Variants in QSOX1 observed in about 807,000 individuals in gnomAD.
QSOX1 encodes the protein quiescin sulfhydryl oxidase 1, also known as sulfhydryl oxidase 1.
In QSOX1, 40 loss-of-function variants were observed where a neutral mutation model predicts 76.1. The observed-to-expected ratio is 0.53, with a 90% CI of 0.41 to 0.68. QSOX1 has a LOEUF of 0.68. Ranked by LOEUF, QSOX1 falls within the 30% of genes least tolerant of loss-of-function variation. The probability of loss-of-function intolerance (pLI) is 0.00; values close to 1 mark genes in which losing one functional copy is unlikely to be tolerated. For missense variants in QSOX1, 931 were observed against 974.3 expected, an observed-to-expected ratio of 0.96 and a Z score of 0.59; for synonymous variants, 392 against 413.1, an observed-to-expected ratio of 0.95 and a Z score of 0.62.
chr1:180,176,156 G>T, intron 4 of QSOX1, 123 bp downstream of exon 4: 1 of 749,688 alleles, frequency 1.3e-6, no homozygotes, highest in Non-Finnish European at 2.2e-6. Context: ...TTTGCCTGTG[G>T]GGCTCACACA....
rs1328743372 is a variant in QSOX1 at position 180,197,140 on chromosome 1, A to G, written c.*103A>G. The G allele has an allele frequency of 2.0e-6, 3 of 1,480,820 alleles. No individual in the cohort carries two copies. Among genetic ancestry groups the G allele is most frequent in the Non-Finnish European group, 2.7e-6 (3 of 1,115,380 alleles). The allele number at this position is 1,480,820 out of a possible 1,614,324, so 91.7% of individuals were successfully genotyped here. On this transcript the variant is annotated 3_prime_UTR_variant, in exon 12 of 12. Coordinates refer to ENST00000367602, the MANE Select transcript of QSOX1 (RefSeq NM_002826.5). ...CCACCCCTTGCTCCTTGTCTGGCCT[A>G]GAAGTGTGGGAAATTCAGGAAAACG...
chr1:180,169,334 C>T (rs1662710067), intron 2 of QSOX1, among the ~76,000 whole-genome samples: 1 of 151,744 alleles, frequency 6.6e-6, no homozygotes, highest in African/African-American at 2.4e-5. Flanking sequence ...GAAGGCCTGG[C>T]CGGAGCAAGG....
intron 10 of QSOX1, among the ~76,000 whole-genome samples, chr1:180,192,032 G>T (rs1215415202): frequency 1.3e-5 from 2 of 152,074 alleles, no homozygotes; most frequent in Admixed American, 6.5e-5. Flanking sequence ...AGTCCTATTG[G>T]ATTAGGGCCC....
Position 180,183,987 on chromosome 1 carries a change from A to G in QSOX1, c.824A>G (p.Gln275Arg). Reference protein sequence around the residue: ...RLSGLTREAAQTTVAPTTANK... With the variant: ...RLSGLTREAARTTVAPTTANK... Reference sequence around the variant, plus strand: ...TCTGGGCTCACCAGGGAGGCTGCCCAGACCACAGTTGCACCAACCACTGCT... The same window carrying G: ...TCTGGGCTCACCAGGGAGGCTGCCCGGACCACAGTTGCACCAACCACTGCT... The change falls in exon 7 of 12, where the codon CAG (glutamine) becomes CGG (arginine). Residue 275 changes from glutamine to arginine, a missense_variant. By Grantham distance (43) the Gln-to-Arg change is conservative (BLOSUM62 1). Coordinates refer to ENST00000367602, the MANE Select transcript of QSOX1 (RefSeq NM_002826.5). The G allele has an allele frequency of 6.2e-7, 1 of 1,614,150 alleles. No individual in the cohort carries two copies. Among genetic ancestry groups the G allele is most frequent in the Non-Finnish European group, 8.5e-7 (1 of 1,179,980 alleles).
intron 10 of QSOX1, among the ~76,000 whole-genome samples, chr1:180,193,006 G>A (rs537584630): frequency 3.3e-5 from 5 of 152,138 alleles, no homozygotes; most frequent in East Asian, 3.9e-4. Flanking sequence ...TGGAGGTGGC[G>A]CAAGATGAGG....
At position 180,201,322 on chromosome 1, in the gene QSOX1, T is replaced by C. The variant is rs1218617025; in HGVS notation, c.*4285T>C. Reference sequence around the variant, plus strand: ...CCAGGTGTGAGAGGGGAGAGCTCACTCACACCAGCCTGACAGTCTTGGGGC... The same window carrying C: ...CCAGGTGTGAGAGGGGAGAGCTCACCCACACCAGCCTGACAGTCTTGGGGC... On this transcript the variant is annotated 3_prime_UTR_variant, in exon 12 of 12. Transcript: ENST00000367602. 1 of 152,142 alleles carries C rather than the reference T, an allele frequency of 6.6e-6. No individual in the cohort carries two copies. Among genetic ancestry groups the C allele is most frequent in the African/African-American group, 2.4e-5 (1 of 41,420 alleles). 9.4% of individuals were successfully genotyped at this position (152,142 alleles called of 1,614,324 possible). A position where few individuals can be genotyped will look rare whatever the true frequency, so the allele number is the denominator to read the frequency against.
chr1:180,190,327 C>T, intron 9 of QSOX1, 106 bp from the exon 10 acceptor site: 1 of 1,294,852 alleles, frequency 7.7e-7, no homozygotes, highest in Non-Finnish European at 1.1e-6. Context: ...AGGTGATAGA[C>T]TGAGGGACCT....
intron 5 of QSOX1, 151 bp from the exon 6 acceptor site, chr1:180,182,023 T>C (rs2149238333): frequency 1.4e-6 from 1 of 698,156 alleles, no homozygotes; most frequent in Non-Finnish European, 2.3e-6. Flanking sequence ...GAGTATCTCT[T>C]GCGCATCAGT....
intron 8 of QSOX1, among the ~76,000 whole-genome samples, chr1:180,187,089 C>G (rs951680497): frequency 2.0e-5 from 3 of 152,202 alleles, no homozygotes; most frequent in African/African-American, 7.2e-5. Context: ...CTGCAGGAAG[C>G]TGGGGCTGCC....
Position 180,188,313 on chromosome 1 carries a change from C to T in QSOX1, c.1018-1239C>T, listed in dbSNP as rs1004828395. 5.9e-5 allele frequency among the ~76,000 whole-genome samples: 9 copies of T among 152,346 alleles called. 1 individual carries two copies. The South Asian group carries it at 1.7e-3, about 28-fold the overall frequency. On this transcript the variant is annotated intron_variant, in intron 8 of 11. Transcript: ENST00000367602. ...CATGTCCTGCCGGTGCCTTCCCACCCGGCCTCTCCCAGCCTGTGCTCCCTC... is the reference window on the plus strand; with the variant it reads ...CATGTCCTGCCGGTGCCTTCCCACCTGGCCTCTCCCAGCCTGTGCTCCCTC...
intron 1 of QSOX1, among the ~76,000 whole-genome samples, chr1:180,163,511 CAT>C (rs1334529337): frequency 6.6e-6 from 1 of 152,182 alleles, no homozygotes; most frequent in African/African-American, 2.4e-5. Context: ...TTTCTAGAAA[CAT>C]GTTTCCTCAG....
chr1:180,195,656 G>C (rs1663457880), intron 11 of QSOX1, among the ~76,000 whole-genome samples: 2 of 151,990 alleles, frequency 1.3e-5, no homozygotes, highest in South Asian at 4.1e-4. Context: ...ACTCTTCCAA[G>C]TACCCCTCAG....
At chr1:180,156,797 T>C (rs1172626405) in intron 1 of QSOX1, among the ~76,000 whole-genome samples, 1 of 152,124 alleles carries the variant, frequency 6.6e-6, no homozygotes, top group Admixed American at 6.5e-5. Flanking sequence ...ACATGGATCA[T>C]GGAACTGGAA....
At position 180,154,915 on chromosome 1, in the gene QSOX1, G is replaced by A. The variant is rs1272286332; in HGVS notation, c.8G>A (p.Arg3Lys). 2.7e-6 allele frequency: 4 copies of A among 1,454,544 alleles called. No individual in the cohort carries two copies. The highest frequency in any genetic ancestry group is 3.0e-5 in the African/African-American group (2 of 67,412). 90.1% of individuals were successfully genotyped at this position (1,454,544 alleles called of 1,614,324 possible). The change falls in exon 1 of 12, where the codon AGG (arginine) becomes AAG (lysine). Residue 3 changes from arginine (R) to lysine (K), a missense_variant. Physicochemically the swap from Arg to Lys is conservative, Grantham distance 26 (BLOSUM62 2). Transcript: ENST00000367602. ...GTGAGCGCAGCGCCGAGGATGAGGA[G>A]GTGCAACAGCGGCTCCGGGCCGCCG... MRRCNSGSGPPPS... is the reference protein window; with the variant it reads MRKCNSGSGPPPS...
In QSOX1 at chr1:180,197,085, T is replaced by C; in HGVS notation, c.*48T>C. The C allele has an allele frequency of 6.4e-7, 1 of 1,553,368 alleles. No individual in the cohort carries two copies. On this transcript the variant is annotated 3_prime_UTR_variant, in exon 12 of 12. Transcript: ENST00000367602. ...GAGGGAGCTGCCATCTCTAGGCACC[T>C]CAAGCCCCCTGACCCCATTCCCTCC...
rs1334067293 is a variant in QSOX1, at chr1:180,198,385, G to T, written c.*1348G>T. 6.6e-6 allele frequency: 3 copies of T among 456,630 alleles called. No individual in the cohort carries two copies. The highest frequency in any genetic ancestry group is 1.3e-5 in the Non-Finnish European group (3 of 226,976). The allele number at this position is 456,630 out of a possible 1,614,324, so 28.3% of individuals were successfully genotyped here. On this transcript the variant is annotated 3_prime_UTR_variant, in exon 12 of 12. Transcript: ENST00000367602. ...TCAGAGCTGCAGGGTTGGCCACTCGGTGGGGAGGAGTCAGCCAGGATTAGA... is the reference window on the plus strand; with the variant it reads ...TCAGAGCTGCAGGGTTGGCCACTCGTTGGGGAGGAGTCAGCCAGGATTAGA...
intron 4 of QSOX1, among the ~76,000 whole-genome samples, chr1:180,177,931 TAAG>T (rs1662939119): frequency 6.6e-6 from 1 of 152,166 alleles, no homozygotes; most frequent in Admixed American, 6.5e-5. Flanking sequence ...CATCTTAAAA[TAAG>T]GAGATTGGGT....
chr1:180,178,979 T>G, intron 5 of QSOX1, 95 bp downstream of exon 5: 1 of 1,139,396 alleles, frequency 8.8e-7, no homozygotes, highest in Non-Finnish European at 1.3e-6. Flanking sequence ...TCTAGGGTCT[T>G]GGCTGCCTGG....
rs921857436 is a variant in QSOX1, at chr1:180,182,890, A to G, written c.752+571A>G. On this transcript the variant is annotated intron_variant, in intron 6 of 11. Transcript: ENST00000367602. ...TCAGCCAGGCCCCGCAGGCAGGAGCATTGGGCCAGGGAGGCAAGGCTTGCC... is the reference window on the plus strand; with the variant it reads ...TCAGCCAGGCCCCGCAGGCAGGAGCGTTGGGCCAGGGAGGCAAGGCTTGCC... Among the ~76,000 whole-genome samples the G allele has an allele frequency of 3.3e-5, 5 of 152,234 alleles. No individual in the cohort carries two copies. The East Asian group carries it at 7.7e-4, about 24-fold the overall frequency.
Sources: gnomAD v4.1 joint callset for allele counts (sites outside exome capture counted in the v4.1 genomes callset) on GRCh38, gnomAD v4.1.1 for gene constraint, MANE v1.5 for transcripts, NCBI Gene and HGNC (gene_info 2026-07-23, HGNC 2026-07-21) for gene names.